ARL15: variants seen among roughly 807,000 people sequenced by gnomAD.
ARL15 encodes ADP-ribosylation factor-like protein 15.
Under a neutral mutation model 25.2 loss-of-function variants are expected in ARL15, and 19 were observed. The ratio of observed to expected loss-of-function variants is 0.75; its 90% CI spans 0.53 to 1.10. The LOEUF is 1.10. Among genes scored for constraint, ARL15 ranks in the 50% least tolerant of loss-of-function variants. The pLI, the probability that ARL15 is intolerant of heterozygous loss-of-function variation, is 0.00. For synonymous variants in ARL15, 94 were observed against 86.8 expected, an observed-to-expected ratio of 1.08 and a Z score of -0.46; for missense variants, 220 against 246.0, an observed-to-expected ratio of 0.89 and a Z score of 0.71.
intron 3 of ARL15, among the ~76,000 whole-genome samples, chr5:54,148,068 A>C (rs1477574316): frequency 6.6e-5 from 10 of 152,196 alleles, no homozygotes; most frequent in Non-Finnish European, 1.3e-4. Context: ...CTCTAAAGTA[A>C]GATTTAATAA....
intron 4 of ARL15, among the ~76,000 whole-genome samples, chr5:54,105,347 C>T (rs1752557432): frequency 6.6e-6 from 1 of 151,954 alleles, no homozygotes; most frequent in Admixed American, 6.6e-5. Context: ...TATTAACATA[C>T]AGATCTAAAG....
intron 4 of ARL15, among the ~76,000 whole-genome samples, chr5:54,023,088 C>T (rs1030019905): frequency 3.9e-5 from 6 of 151,906 alleles, no homozygotes; most frequent in Admixed American, 1.3e-4. Context: ...ACAGGAATTA[C>T]CCAATCTGAA....
chr5:53,971,692 C>T (rs1747755999), intron 4 of ARL15, among the ~76,000 whole-genome samples: 1 of 152,152 alleles, frequency 6.6e-6, no homozygotes, highest in African/African-American at 2.4e-5. Context: ...TCCTAAACAA[C>T]ATGCTCAATA....
At chr5:54,046,108 G>A (rs1750502516) in intron 4 of ARL15, among the ~76,000 whole-genome samples, 1 of 152,182 alleles carries the variant, frequency 6.6e-6, no homozygotes, top group Non-Finnish European at 1.5e-5. Context: ...GATTGAACTA[G>A]TATGTATTAA....
intron 1 of ARL15, among the ~76,000 whole-genome samples, chr5:54,237,509 AC>A (rs1439777561): frequency 6.6e-6 from 1 of 152,236 alleles, no homozygotes; most frequent in Non-Finnish European, 1.5e-5. Flanking sequence ...CAATATAGAC[AC>A]CAAAAAGGGG....
At chr5:54,183,165 A>C (rs1067859) in intron 1 of ARL15, among the ~76,000 whole-genome samples, 1 of 91,814 alleles carries the variant, frequency 1.1e-5, no homozygotes, top group African/African-American at 3.8e-5. Context: ...TTATTGCCCC[A>C]GCCAGAACTT....
At chr5:54,279,037 C>A (rs1448919836) in intron 1 of ARL15, among the ~76,000 whole-genome samples, 1 of 152,114 alleles carries the variant, frequency 6.6e-6, no homozygotes, top group Non-Finnish European at 1.5e-5. Flanking sequence ...TATTTTAACT[C>A]ACTGCTATTT....
chr5:53,994,630 A>G (rs759596538), intron 4 of ARL15, among the ~76,000 whole-genome samples: 5 of 152,136 alleles, frequency 3.3e-5, no homozygotes, highest in Non-Finnish European at 7.3e-5. Flanking sequence ...CTTCCTCCCA[A>G]TCCCTAACTC....
At chr5:54,238,221 A>C (rs892894447) in intron 1 of ARL15, among the ~76,000 whole-genome samples, 14 of 152,162 alleles carry the variant, frequency 9.2e-5, no homozygotes, top group Non-Finnish European at 1.3e-4. Flanking sequence ...TTTTCATGCC[A>C]AAGTCACTCA....
intron 4 of ARL15, among the ~76,000 whole-genome samples, chr5:54,071,514 C>T (rs1166360278): frequency 2.8e-4 from 5 of 18,090 alleles, no homozygotes; most frequent in African/African-American, 6.1e-4. Flanking sequence ...CGCCTTTCCC[C>T]CCCCCCCCCC....
chr5:54,079,733 G>A (rs1751727898), intron 4 of ARL15, among the ~76,000 whole-genome samples: 1 of 152,118 alleles, frequency 6.6e-6, no homozygotes, highest in Non-Finnish European at 1.5e-5. Flanking sequence ...ACTTTGGGAA[G>A]CTGAGGTGTG....
intron 4 of ARL15, among the ~76,000 whole-genome samples, chr5:54,100,492 C>G (rs563405963): frequency 5.9e-5 from 9 of 151,946 alleles, no homozygotes; most frequent in Non-Finnish European, 1.2e-4. Context: ...TCATAATAAA[C>G]ACGGTATGAC....
chr5:53,890,760 A>G (rs1470174819), intron 4 of ARL15, among the ~76,000 whole-genome samples: 1 of 152,198 alleles, frequency 6.6e-6, no homozygotes, highest in African/African-American at 2.4e-5. Context: ...ACTGCGTTCC[A>G]TTATTCACAC....
At chr5:53,915,360 G>A (rs1252963654) in intron 4 of ARL15, among the ~76,000 whole-genome samples, 1 of 152,156 alleles carries the variant, frequency 6.6e-6, no homozygotes, top group Non-Finnish European at 1.5e-5. Flanking sequence ...CAAAGAACCC[G>A]TAGGCTACTG....
chr5:54,015,548 C>T (rs1749401301), intron 4 of ARL15, among the ~76,000 whole-genome samples: 2 of 152,150 alleles, frequency 1.3e-5, no homozygotes, highest in Non-Finnish European at 2.9e-5. Flanking sequence ...ATATTAGACT[C>T]ACAGAACTTT....
At position 54,113,210 on chromosome 5, in the gene ARL15, C is replaced by T. The variant is rs763322358; in HGVS notation, c.454G>A (p.Val152Ile). The T allele has an allele frequency of 1.2e-6, 2 of 1,613,518 alleles. No individual in the cohort carries two copies. The highest frequency in any genetic ancestry group is 2.2e-5 in the East Asian group (1 of 44,864). ...ATGCTAATGAGACATACCTCTTGTA[C>T]TGAGCGAGCTGCTGGCTTGTCTTGA... Reference protein sequence around the residue: ...NHQDKPAARSVQEIKKYFELE... With the variant: ...NHQDKPAARSIQEIKKYFELE... Residue 152 changes from valine to isoleucine, a missense_variant, in exon 4 of 5, where the codon GTA becomes ATA. Val to Ile is a conservative substitution (Grantham distance 29). Transcript: ENST00000504924.
At chr5:54,140,425 T>C (rs868589667) in intron 3 of ARL15, among the ~76,000 whole-genome samples, 6 of 117,848 alleles carry the variant, frequency 5.1e-5, no homozygotes, top group South Asian at 2.8e-4. Context: ...GACAGATAGA[T>C]AGATAGATAG....
chr5:53,902,493 CT>C (rs1200796530), intron 4 of ARL15, among the ~76,000 whole-genome samples: 1 of 152,198 alleles, frequency 6.6e-6, no homozygotes, highest in East Asian at 1.9e-4. Context: ...TATATGTCCC[CT>C]GTCTCAATCT....
At chr5:54,084,184 T>C (rs1751885395) in intron 4 of ARL15, among the ~76,000 whole-genome samples, 4 of 152,150 alleles carry the variant, frequency 2.6e-5, no homozygotes, top group Non-Finnish European at 4.4e-5. Flanking sequence ...CAATTAGCCT[T>C]AGCCAGTGGG....
Sources: allele counts gnomAD v4.1 joint callset (sites outside exome capture counted in the v4.1 genomes callset), GRCh38; gene constraint gnomAD v4.1.1; transcripts MANE v1.5; gene names NCBI Gene and HGNC (gene_info 2026-07-23, HGNC 2026-07-21).